Variants in TENM2 observed in about 807,000 individuals in gnomAD.
TENM2 encodes teneurin-2.
Under a neutral mutation model 245.2 loss-of-function variants are expected in TENM2, and 52 were observed. That is an observed-to-expected ratio of 0.21 (90% confidence interval 0.17 to 0.27). The LOEUF (loss-of-function observed/expected upper bound fraction) is 0.27. TENM2 is among the 10% of genes least tolerant of loss of function. The pLI, the probability that TENM2 is intolerant of heterozygous loss-of-function variation, is 1.00. For missense variants in TENM2, 3,046 were observed against 3,666.8 expected, an observed-to-expected ratio of 0.83 and a Z score of 4.37; for synonymous variants, 1,363 against 1,438.9, an observed-to-expected ratio of 0.95 and a Z score of 1.19.
chr5:167,392,728 T>C (rs944027371), intron 2 of TENM2, among the ~76,000 whole-genome samples: 1 of 152,220 alleles, frequency 6.6e-6, no homozygotes, highest in Non-Finnish European at 1.5e-5. Context: ...CTGACTAATA[T>C]GTTGTCTGTA....
At chr5:167,504,495 T>C (rs1023679607) in intron 2 of TENM2, among the ~76,000 whole-genome samples, 2 of 152,242 alleles carry the variant, frequency 1.3e-5, no homozygotes, top group Admixed American at 1.3e-4. Context: ...AAATCTATAA[T>C]ACTTCACAAT....
At chr5:167,389,102 A>G (rs1000283522) in intron 2 of TENM2, among the ~76,000 whole-genome samples, 3 of 152,034 alleles carry the variant, frequency 2.0e-5, no homozygotes, top group Admixed American at 6.6e-5. Flanking sequence ...TTTCTGAAAA[A>G]GTCCAATTTT....
chr5:167,220,798 C>G, the TENM2 span, among the ~76,000 whole-genome samples: 2 of 151,648 alleles, frequency 1.3e-5, no homozygotes, highest in African/African-American at 4.9e-5. Context: ...AGTCACAGCT[C>G]TTTATTGAAT....
intron 2 of TENM2, among the ~76,000 whole-genome samples, chr5:167,624,655 A>T (rs1778385111): frequency 6.6e-6 from 1 of 152,146 alleles, no homozygotes; most frequent in African/African-American, 2.4e-5. Flanking sequence ...CAAAGACAAA[A>T]ATCCTGACAT....
the TENM2 span, among the ~76,000 whole-genome samples, chr5:167,251,526 C>T: frequency 1.3e-5 from 2 of 152,100 alleles, no homozygotes. Context: ...TTTTTATTTT[C>T]CTGAAGGAGA....
chr5:167,483,017 C>T (rs1484604020), intron 2 of TENM2, among the ~76,000 whole-genome samples: 3 of 152,188 alleles, frequency 2.0e-5, no homozygotes, highest in African/African-American at 4.8e-5. Flanking sequence ...ATCAGATTTT[C>T]GAAAGCTACA....
rs147240511 is a variant in TENM2, at chr5:167,531,516, C to T, written c.502+156043C>T. Reference sequence around the variant, plus strand: ...TTTTGCAACATTTAAGATACTCTCTCAGTAATTTTCAAATATACTATGCTT... The same window carrying T: ...TTTTGCAACATTTAAGATACTCTCTTAGTAATTTTCAAATATACTATGCTT... On this transcript the variant is annotated intron_variant, in intron 2 of 28. Coordinates refer to ENST00000518659, the Ensembl canonical transcript of TENM2. 3.1e-3 allele frequency among the ~76,000 whole-genome samples: 468 copies of T among 151,998 alleles called. 3 individuals are homozygous for T. Among genetic ancestry groups the T allele is most frequent in the African/African-American group, 0.01 (429 of 41,466 alleles).
chr5:167,368,059 G>A (rs1276999866), intron 1 of TENM2, among the ~76,000 whole-genome samples: 1 of 151,722 alleles, frequency 6.6e-6, no homozygotes, highest in African/African-American at 2.4e-5. Context: ...CTTTGTTTTA[G>A]GATGAATGAT....
chr5:167,237,132 T>G, the TENM2 span, among the ~76,000 whole-genome samples: 1 of 152,164 alleles, frequency 6.6e-6, no homozygotes, highest in African/African-American at 2.4e-5. Context: ...GACCATAAAC[T>G]CTATAGCAGT....
intron 12 of TENM2, among the ~76,000 whole-genome samples, chr5:168,147,208 C>G (rs1335248637): frequency 1.3e-5 from 2 of 152,238 alleles, no homozygotes; most frequent in Non-Finnish European, 2.9e-5. Context: ...AACTGTAACT[C>G]TGCCATGACT....
At chr5:167,131,067 A>T in the TENM2 span, among the ~76,000 whole-genome samples, 1 of 152,176 alleles carries the variant, frequency 6.6e-6, no homozygotes, top group Non-Finnish European at 1.5e-5. Context: ...ATAGCCTGTC[A>T]CCAAATTTCT....
chr5:167,290,850 A>G (rs771023478), intron 1 of TENM2, among the ~76,000 whole-genome samples: 2 of 152,066 alleles, frequency 1.3e-5, no homozygotes, highest in Non-Finnish European at 2.9e-5. Context: ...TGTGCATTTT[A>G]TGGCATGTAA....
chr5:167,893,429 A>G (rs1774922157), intron 3 of TENM2, among the ~76,000 whole-genome samples: 1 of 152,172 alleles, frequency 6.6e-6, no homozygotes, highest in South Asian at 2.1e-4. Flanking sequence ...AGGCGCACGT[A>G]TCAAGACCCC....
intron 1 of TENM2, among the ~76,000 whole-genome samples, chr5:167,352,219 C>A (rs923804823): frequency 6.6e-6 from 1 of 152,116 alleles, no homozygotes; most frequent in Non-Finnish European, 1.5e-5. Flanking sequence ...CTGCTTTTCC[C>A]AAAGGGACCT....
chr5:167,023,537 G>A, the TENM2 span, among the ~76,000 whole-genome samples: 5 of 152,256 alleles, frequency 3.3e-5, no homozygotes, highest in South Asian at 6.2e-4. Flanking sequence ...GATAATTTTC[G>A]AAGGTAAAAT....
chr5:168,090,597 C>T lies in TENM2; in HGVS notation c.1539C>T (p.Asp513=), dbSNP rs112775524. Residue 513 remains aspartate, a synonymous_variant, in exon 8 of 29, where the codon GAC becomes GAT. Transcript: ENST00000518659. ...AGTATGACTTCATGGAACGTCTGGA[C>T]GGGAAGGAGAAGTGGAGTGTGGTTG... is the stretch of plus-strand genomic sequence containing the variant. 1,180 of 1,613,032 alleles carry T rather than the reference C, an allele frequency of 7.3e-4. 5 individuals are homozygous for T. In the African/African-American group the frequency reaches 0.012, roughly 17 times the overall value.
At chr5:166,984,343 T>C in the TENM2 span, among the ~76,000 whole-genome samples, 1 of 152,072 alleles carries the variant, frequency 6.6e-6, no homozygotes, top group Non-Finnish European at 1.5e-5. Context: ...TTCTAAATCT[T>C]AAGGTGGGAC....
intron 1 of TENM2, among the ~76,000 whole-genome samples, chr5:167,351,201 A>C: frequency 6.6e-6 from 1 of 150,770 alleles, no homozygotes; most frequent in South Asian, 2.1e-4. Context: ...GGATATATAT[A>C]TATGGGATAT....
chr5:167,423,399 G>GATT (rs2127427690), intron 2 of TENM2, among the ~76,000 whole-genome samples: 1 of 152,250 alleles, frequency 6.6e-6, no homozygotes, highest in Non-Finnish European at 1.5e-5. Context: ...GATTTCTGAG[G>GATT]TGGATAAAAT....
Sources: allele counts gnomAD v4.1 joint callset (sites outside exome capture counted in the v4.1 genomes callset), GRCh38; gene constraint gnomAD v4.1.1; transcripts MANE v1.5; gene names NCBI Gene and HGNC (gene_info 2026-07-23, HGNC 2026-07-21).